The following PPFIBP1 variants were observed in gnomAD, a reference collection of about 807,000 sequenced individuals.
PPFIBP1 encodes liprin-beta-1.
PPFIBP1 carries 112 observed loss-of-function variants against 137.8 expected under a neutral mutation model. The ratio of observed to expected loss-of-function variants is 0.81; its 90% CI spans 0.70 to 0.95. PPFIBP1 has a LOEUF of 0.95. Among genes scored for constraint, PPFIBP1 ranks in the 40% least tolerant of loss-of-function variants. PPFIBP1 has a pLI of 0.00. For missense variants in PPFIBP1, 1,083 were observed against 1,196.6 expected (o/e 0.91, Z 1.40); for synonymous variants, 378 against 417.3 (o/e 0.91, Z 1.15).
chr12:27,544,940 T>TCACAA (rs1481330004), intron 1 of PPFIBP1, among the ~76,000 whole-genome samples: 129 of 152,290 alleles, frequency 8.5e-4, no homozygotes, highest in African/African-American at 2.9e-3. Context: ...CACACGTGTG[T>TCACAA]TTATTGCAGC....
At chr12:27,644,190 C>T (rs2058306552) in intron 4 of PPFIBP1, among the ~76,000 whole-genome samples, 2 of 151,108 alleles carry the variant, frequency 1.3e-5, no homozygotes, top group Non-Finnish European at 2.9e-5. Context: ...GATCCCCCTC[C>T]CTCAGTCTCC....
chr12:27,673,666 A>T (rs2060335664), intron 15 of PPFIBP1, 101 bp from the exon 16 acceptor site: 2 of 946,176 alleles, frequency 2.1e-6, no homozygotes, highest in South Asian at 3.1e-5. Context: ...TATTGCCAGG[A>T]TTCAACCCAC....
At chr12:27,612,987 T>C (rs2055323166) in intron 2 of PPFIBP1, among the ~76,000 whole-genome samples, 1 of 151,796 alleles carries the variant, frequency 6.6e-6, no homozygotes, top group Non-Finnish European at 1.5e-5. Flanking sequence ...TCCATACCTC[T>C]CTAAGCCTGT....
rs34982186 is a variant in PPFIBP1 at position 27,671,757 on chromosome 12, G to T, written c.1262+211G>T. 0.18 allele frequency among the ~76,000 whole-genome samples: 27,940 copies of T among 152,180 alleles called. 2,914 individuals carry two copies. The highest frequency in any genetic ancestry group is 0.24 in the Non-Finnish European group (16,502 of 67,982). On this transcript the variant is annotated intron_variant, in intron 14 of 29. Coordinates refer to ENST00000228425, the MANE Select transcript of PPFIBP1 (RefSeq NM_003622.4). ...TAAGAGATCAGGCTGGGGAGGTAGG[G>T]TTGTCAGGTTAGAAAGAGATTTTAA...
At chr12:27,631,648 A>G (rs1047187336) in intron 2 of PPFIBP1, among the ~76,000 whole-genome samples, 4 of 152,176 alleles carry the variant, frequency 2.6e-5, no homozygotes, top group African/African-American at 9.7e-5. Context: ...ACTACTTTGA[A>G]AAGCATGGTC....
intron 1 of PPFIBP1, among the ~76,000 whole-genome samples, chr12:27,566,534 AAGAGGTAGT>A (rs1257377358): frequency 2.0e-5 from 3 of 152,240 alleles, no homozygotes; most frequent in Non-Finnish European, 2.9e-5. Context: ...GGGTGAAGAA[AAGAGGTAGT>A]CCCTCAAAGT....
chr12:27,534,097 T>G (rs1944708307), intron 1 of PPFIBP1, among the ~76,000 whole-genome samples: 1 of 151,996 alleles, frequency 6.6e-6, no homozygotes, highest in African/African-American at 2.4e-5. Context: ...ACATGGTAGA[T>G]AGCTTGGGTT....
chr12:27,604,641 G>GTA (rs1592789060), intron 2 of PPFIBP1, among the ~76,000 whole-genome samples: 2 of 152,182 alleles, frequency 1.3e-5, no homozygotes, highest in Admixed American at 1.3e-4. Context: ...CTCTCGCATG[G>GTA]ATCTCCCAGA....
At chr12:27,564,354 T>G (rs549215552) in intron 1 of PPFIBP1, among the ~76,000 whole-genome samples, 22 of 152,376 alleles carry the variant, frequency 1.4e-4, no homozygotes, top group African/African-American at 4.6e-4. Flanking sequence ...GGGAGTCAAG[T>G]GTGTAGTTTA....
At chr12:27,659,681 C>T (rs184300484) in intron 10 of PPFIBP1, among the ~76,000 whole-genome samples, 2 of 152,120 alleles carry the variant, frequency 1.3e-5, no homozygotes, top group East Asian at 1.9e-4. Flanking sequence ...AAAATTAACT[C>T]CTTAGGGGCT....
chr12:27,528,012 G>A (rs1320496261), intron 1 of PPFIBP1, among the ~76,000 whole-genome samples: 1 of 152,084 alleles, frequency 6.6e-6, no homozygotes, highest in African/African-American at 2.4e-5. Context: ...GCAGTGGCGT[G>A]ATCTTGCCTC....
chr12:27,670,153 A>G (rs533075079), intron 13 of PPFIBP1, among the ~76,000 whole-genome samples: 26 of 152,086 alleles, frequency 1.7e-4, no homozygotes, highest in African/African-American at 6.0e-4. Flanking sequence ...TCATTTATTC[A>G]TTTATGATGT....
intron 1 of PPFIBP1, among the ~76,000 whole-genome samples, chr12:27,527,780 A>G (rs1224908223): frequency 1.3e-5 from 2 of 152,186 alleles, no homozygotes; most frequent in East Asian, 3.8e-4. Context: ...AAGAAAAAAA[A>G]AAATCACAGT....
chr12:27,573,983 TAAAA>T (rs35501114), intron 1 of PPFIBP1, among the ~76,000 whole-genome samples: 6 of 138,622 alleles, frequency 4.3e-5, no homozygotes, highest in Non-Finnish European at 4.7e-5. Flanking sequence ...CCCTGTCTCT[TAAAA>T]AAAAAAAAAA....
At chr12:27,644,340 C>G (rs3829316) in intron 4 of PPFIBP1, among the ~76,000 whole-genome samples, 3 of 150,574 alleles carry the variant, frequency 2.0e-5, no homozygotes. Context: ...CTCAGCCTCC[C>G]GAAGTGCTGG....
At chr12:27,554,335 G>C (rs773862226) in intron 1 of PPFIBP1, among the ~76,000 whole-genome samples, 8 of 152,118 alleles carry the variant, frequency 5.3e-5, no homozygotes, top group Non-Finnish European at 8.8e-5. Flanking sequence ...GTGTTTCTTT[G>C]GTAAAAAGAT....
At chr12:27,533,875 A>C (rs2088068844) in intron 1 of PPFIBP1, among the ~76,000 whole-genome samples, 1 of 152,210 alleles carries the variant, frequency 6.6e-6, no homozygotes, top group South Asian at 2.1e-4. Flanking sequence ...GATGGTGGCC[A>C]AGGGAAGAAG....
intron 13 of PPFIBP1, 101 bp downstream of exon 13, chr12:27,667,421 G>T: frequency 9.3e-7 from 1 of 1,070,950 alleles, no homozygotes; most frequent in Non-Finnish European, 1.3e-6. Context: ...TCCTTTCTCA[G>T]TTCCATCACC....
At chr12:27,618,795 C>G (rs763364001) in intron 2 of PPFIBP1, among the ~76,000 whole-genome samples, 1 of 152,208 alleles carries the variant, frequency 6.6e-6, no homozygotes, top group Non-Finnish European at 1.5e-5. Flanking sequence ...CAGAATAAAT[C>G]TCTTCAAAAT....
Sources: allele counts gnomAD v4.1 joint callset (sites outside exome capture counted in the v4.1 genomes callset), GRCh38; gene constraint gnomAD v4.1.1; transcripts MANE v1.5; gene names NCBI Gene and HGNC (gene_info 2026-07-23, HGNC 2026-07-21).